SLC8A1: variants seen among roughly 807,000 people sequenced by gnomAD.
SLC8A1 encodes the protein sodium/calcium exchanger 1.
Under a neutral mutation model 68.3 loss-of-function variants are expected in SLC8A1, and 18 were observed. That is an observed-to-expected ratio of 0.26 (90% CI 0.18 to 0.39). SLC8A1 has a LOEUF of 0.39. SLC8A1 is among the 10% of genes least tolerant of loss of function. The pLI, the probability that SLC8A1 is intolerant of heterozygous loss-of-function variation, is 1.00. For missense variants in SLC8A1, 985 were observed against 1,156.7 expected, an observed-to-expected ratio of 0.85 and a Z score of 2.15; for synonymous variants, 475 against 415.5, an observed-to-expected ratio of 1.14 and a Z score of -1.74.
chr2:40,488,889 G>C (rs1358576108), intron 1 of SLC8A1, among the ~76,000 whole-genome samples: 5 of 152,074 alleles, frequency 3.3e-5, no homozygotes, highest in African/African-American at 1.2e-4. Flanking sequence ...TCCATCTTCA[G>C]AGAGAGAGAC....
At chr2:40,281,970 T>G (rs1233145706) in intron 2 of SLC8A1, among the ~76,000 whole-genome samples, 1 of 152,188 alleles carries the variant, frequency 6.6e-6, no homozygotes, top group African/African-American at 2.4e-5. Flanking sequence ...CACAGGAGTC[T>G]GTTTATTCTT....
At chr2:40,349,645 G>A (rs1312602052) in intron 2 of SLC8A1, among the ~76,000 whole-genome samples, 1 of 152,154 alleles carries the variant, frequency 6.6e-6, no homozygotes, top group Non-Finnish European at 1.5e-5. Context: ...ACAGTGCCTG[G>A]CATGTAAGAA....
At chr2:40,279,717 T>C (rs1232475600) in intron 2 of SLC8A1, among the ~76,000 whole-genome samples, 1 of 152,192 alleles carries the variant, frequency 6.6e-6, no homozygotes, top group African/African-American at 2.4e-5. Flanking sequence ...ATCAGCCTTG[T>C]AAAGTACACT....
At chr2:40,177,991 A>G in intron 2 of SLC8A1, 1 of 649,410 alleles carries the variant, frequency 1.5e-6, no homozygotes, top group South Asian at 1.8e-5. Flanking sequence ...AAGTATGTAA[A>G]AGGGCATCTT....
At chr2:40,337,405 T>G (rs1477456728) in intron 2 of SLC8A1, 3 of 280,306 alleles carry the variant, frequency 1.1e-5, no homozygotes, top group Non-Finnish European at 2.4e-5. Flanking sequence ...CCCTAAATTC[T>G]ATAAACTTTA....
chr2:40,360,190 C>T (rs372426957), intron 2 of SLC8A1, among the ~76,000 whole-genome samples: 46 of 152,200 alleles, frequency 3.0e-4, no homozygotes, highest in African/African-American at 9.9e-4. Context: ...TATTTTGCCC[C>T]TCCACTCTAT....
In SLC8A1 at chr2:40,336,359, G is replaced by A. The variant is rs368123914; in HGVS notation, c.1808+92114C>T. 9.2e-5 allele frequency among the ~76,000 whole-genome samples: 14 copies of A among 152,218 alleles called. No individual in the cohort carries two copies. The East Asian group carries it at 1.7e-3, about 19-fold the overall frequency. Reference sequence around the variant, plus strand: ...AATGAATGAATAAGGATTTAACCAAGACAACAAAGGCCTTGCAGGGGCCTC... The same window carrying A: ...AATGAATGAATAAGGATTTAACCAAAACAACAAAGGCCTTGCAGGGGCCTC... On this transcript the variant is annotated intron_variant, in intron 2 of 7. Coordinates refer to ENST00000406785, the Ensembl canonical transcript of SLC8A1.
exon 5 of SLC8A1, chr2:40,164,981 T>G (rs1376798102): frequency 6.2e-7 from 1 of 1,613,734 alleles, no homozygotes; most frequent in Middle Eastern, 1.6e-4. Context: ...GTCATCATAT[T>G]CGTCTGTGAA....
intron 2 of SLC8A1, among the ~76,000 whole-genome samples, chr2:40,292,693 G>A (rs1163673358): frequency 6.6e-6 from 1 of 152,064 alleles, no homozygotes; most frequent in Non-Finnish European, 1.5e-5. Flanking sequence ...GAAAATAATG[G>A]TTCCCCTCTC....
chr2:40,203,447 T>TAAAC (rs1372014536), intron 2 of SLC8A1, among the ~76,000 whole-genome samples: 2 of 151,984 alleles, frequency 1.3e-5, no homozygotes, highest in Admixed American at 6.6e-5. Flanking sequence ...CAGCAAAACC[T>TAAAC]AAACAGAAAT....
chr2:40,328,294 A>T (rs530440504), intron 2 of SLC8A1, among the ~76,000 whole-genome samples: 63 of 152,250 alleles, frequency 4.1e-4, no homozygotes, highest in African/African-American at 1.4e-3. Flanking sequence ...ATTATTAGTA[A>T]TAGTTATTCT....
intron 2 of SLC8A1, among the ~76,000 whole-genome samples, chr2:40,425,270 T>C (rs1696548148): frequency 6.6e-6 from 1 of 151,916 alleles, no homozygotes; most frequent in African/African-American, 2.4e-5. Flanking sequence ...AATCAACTCA[T>C]TTATGTGAGA....
At chr2:40,463,429 T>C (rs186018836) in intron 1 of SLC8A1, among the ~76,000 whole-genome samples, 2 of 152,338 alleles carry the variant, frequency 1.3e-5, no homozygotes, top group East Asian at 3.9e-4. Context: ...CAAGGTGATA[T>C]CTGCTTCATT....
At chr2:40,168,895 A>G (rs529865147) in intron 4 of SLC8A1, among the ~76,000 whole-genome samples, 2 of 152,170 alleles carry the variant, frequency 1.3e-5, no homozygotes, top group Non-Finnish European at 2.9e-5. Flanking sequence ...GTCTTAACCA[A>G]TCCAAACAAC....
intron 2 of SLC8A1, among the ~76,000 whole-genome samples, chr2:40,414,974 C>G (rs1693358442): frequency 6.6e-6 from 1 of 152,064 alleles, no homozygotes; most frequent in Admixed American, 6.6e-5. Flanking sequence ...TTTATGTCAT[C>G]TAGATATCAA....
rs146455419 is a variant in SLC8A1 at position 40,159,662 on chromosome 2, A to G, written c.2161+1103T>C. Among the ~76,000 whole-genome samples, 582 of 152,298 alleles carry G rather than the reference A, an allele frequency of 3.8e-3. 3 individuals carry two copies. Among genetic ancestry groups the G allele is most frequent in the African/African-American group, 0.013 (561 of 41,566 alleles). On this transcript the variant is annotated intron_variant, in intron 6 of 7. Transcript: ENST00000406785. ...TAAAAGAGAGTTTACCCCTCCTTCT[A>G]TTAGAGCTTATATGCAAATTCCAAA... is the stretch of plus-strand genomic sequence containing the variant.
intron 2 of SLC8A1, among the ~76,000 whole-genome samples, chr2:40,288,105 A>G (rs1261015275): frequency 6.6e-6 from 1 of 152,138 alleles, no homozygotes; most frequent in Non-Finnish European, 1.5e-5. Context: ...GCTTCAGGCA[A>G]GAGGGTCTGT....
At chr2:40,301,370 C>A (rs2149267142) in intron 2 of SLC8A1, among the ~76,000 whole-genome samples, 1 of 152,244 alleles carries the variant, frequency 6.6e-6, no homozygotes, top group South Asian at 2.1e-4. Flanking sequence ...AATATGAATC[C>A]AAAACTTATC....
intron 7 of SLC8A1, among the ~76,000 whole-genome samples, chr2:40,121,305 A>G (rs999574635): frequency 1.6e-4 from 24 of 152,332 alleles, no homozygotes; most frequent in African/African-American, 5.5e-4. Context: ...AAGGGGAGAT[A>G]CTACTCGAAG....
Sources: allele counts gnomAD v4.1 joint callset (sites outside exome capture counted in the v4.1 genomes callset), GRCh38; gene constraint gnomAD v4.1.1; transcripts MANE v1.5; gene names NCBI Gene and HGNC (gene_info 2026-07-23, HGNC 2026-07-21).